The following GRIN2A variants were observed in gnomAD, a reference collection of about 807,000 sequenced individuals.
GRIN2A encodes the protein glutamate ionotropic receptor NMDA type subunit 2A, also known as glutamate receptor ionotropic, NMDA 2A.
Under a neutral mutation model 113.4 loss-of-function variants are expected in GRIN2A, and 22 were observed. The ratio of observed to expected loss-of-function variants is 0.19; its 90% CI spans 0.14 to 0.28. The LOEUF (loss-of-function observed/expected upper bound fraction) is 0.28. Ranked by LOEUF, GRIN2A falls within the 10% of genes least tolerant of loss-of-function variation. The pLI is 1.00. For missense variants in GRIN2A, 1,502 were observed against 1,887.0 expected, an observed-to-expected ratio of 0.80 and a Z score of 3.78; for synonymous variants, 827 against 738.4, an observed-to-expected ratio of 1.12 and a Z score of -1.94.
In GRIN2A at chr16:9,856,314, TACA is replaced by T. The variant is rs528445344; in HGVS notation, c.1123-6356_1123-6354del. Among the ~76,000 whole-genome samples the T allele has an allele frequency of 7.9e-5, 12 of 152,294 alleles. No homozygotes were observed. The South Asian group carries it at 1.9e-3, about 24-fold the overall frequency. On this transcript the variant is annotated intron_variant, in intron 4 of 12. Coordinates refer to ENST00000330684, the MANE Select transcript of GRIN2A (RefSeq NM_001134407.3). ...TTTAGTTTCTTCATATTTTAAAGGT[TACA>T]ACAAGGCCACAGAGTTGTTATAAAG...
chr16:9,905,796 T>C (rs1220424702), intron 3 of GRIN2A, among the ~76,000 whole-genome samples: 1 of 152,222 alleles, frequency 6.6e-6, no homozygotes, highest in East Asian at 1.9e-4. Flanking sequence ...AATTAGATTC[T>C]GTCTCCTAGG....
intron 2 of GRIN2A, among the ~76,000 whole-genome samples, chr16:10,070,697 C>G (rs2047732660): frequency 6.6e-6 from 1 of 152,182 alleles, no homozygotes; most frequent in Non-Finnish European, 1.5e-5. Flanking sequence ...CTTCTTCCCC[C>G]TCTACTCCTG....
chr16:9,940,142 CA>C (rs1166391131), intron 2 of GRIN2A, among the ~76,000 whole-genome samples: 5 of 151,678 alleles, frequency 3.3e-5, no homozygotes, highest in African/African-American at 1.2e-4. Flanking sequence ...CTGTGCATGT[CA>C]ATTCCTTCAA....
intron 10 of GRIN2A, among the ~76,000 whole-genome samples, chr16:9,810,787 G>A (rs895881588): frequency 6.6e-6 from 1 of 152,170 alleles, no homozygotes; most frequent in African/African-American, 2.4e-5. Flanking sequence ...ATTGGTTATG[G>A]CCACTCTAGG....
intron 2 of GRIN2A, among the ~76,000 whole-genome samples, chr16:10,105,719 C>T (rs1023910649): frequency 3.3e-5 from 5 of 152,012 alleles, no homozygotes; most frequent in African/African-American, 1.2e-4. Context: ...TCAGCCTGGC[C>T]AACACGGTGA....
chr16:10,024,951 G>C (rs2046792546), intron 2 of GRIN2A, among the ~76,000 whole-genome samples: 1 of 151,898 alleles, frequency 6.6e-6, no homozygotes, highest in South Asian at 2.1e-4. Context: ...AAATTTAAAT[G>C]AATTTTTTAA....
chr16:9,818,030 T>G (rs529206340), intron 10 of GRIN2A, among the ~76,000 whole-genome samples: 46 of 152,250 alleles, frequency 3.0e-4, no homozygotes, highest in Non-Finnish European at 5.9e-4. Flanking sequence ...ACTTTTTTTT[T>G]TTAAGGCTCG....
intron 3 of GRIN2A, among the ~76,000 whole-genome samples, chr16:9,925,214 G>C (rs1234579980): frequency 6.6e-6 from 1 of 152,172 alleles, no homozygotes; most frequent in Admixed American, 6.5e-5. Context: ...CAGAGTGAGA[G>C]CAATTCATAG....
intron 9 of GRIN2A, among the ~76,000 whole-genome samples, chr16:9,823,797 G>A (rs145602153): frequency 1.3e-5 from 2 of 152,132 alleles, no homozygotes; most frequent in Admixed American, 6.5e-5. Context: ...ACCCGGATGC[G>A]TCTGACCACA....
At chr16:9,999,629 C>T (rs551973063) in intron 2 of GRIN2A, among the ~76,000 whole-genome samples, 2 of 152,070 alleles carry the variant, frequency 1.3e-5, no homozygotes, top group African/African-American at 2.4e-5. Context: ...TTAGGAGAAA[C>T]ACCTAATGTA....
chr16:9,914,029 A>T (rs2044194059), intron 3 of GRIN2A, among the ~76,000 whole-genome samples: 1 of 152,142 alleles, frequency 6.6e-6, no homozygotes, highest in African/African-American at 2.4e-5. Context: ...CTGAGTGTGA[A>T]AAACAATTTA....
intron 2 of GRIN2A, among the ~76,000 whole-genome samples, chr16:10,026,778 T>C (rs2046830817): frequency 6.6e-6 from 1 of 152,150 alleles, no homozygotes; most frequent in South Asian, 2.1e-4. Flanking sequence ...TCTGCTTTTC[T>C]CTCACTTCCT....
At chr16:9,866,753 T>G (rs1028586357) in intron 4 of GRIN2A, among the ~76,000 whole-genome samples, 1 of 152,220 alleles carries the variant, frequency 6.6e-6, no homozygotes, top group African/African-American at 2.4e-5. Context: ...AAGGCCAGTT[T>G]TTTTGACCAT....
intron 3 of GRIN2A, among the ~76,000 whole-genome samples, chr16:9,891,938 C>T (rs752612548): frequency 6.6e-5 from 10 of 151,904 alleles, no homozygotes; most frequent in South Asian, 4.1e-4. Flanking sequence ...GTCTTAAAAC[C>T]GTGGGAAGGT....
chr16:9,978,141 C>T (rs1011938635), intron 2 of GRIN2A, among the ~76,000 whole-genome samples: 3 of 152,118 alleles, frequency 2.0e-5, no homozygotes, highest in East Asian at 3.9e-4. Flanking sequence ...TACAGCATAA[C>T]GAAAGCACCA....
chr16:10,107,123 G>C (rs140497910), intron 2 of GRIN2A, among the ~76,000 whole-genome samples: 3 of 152,318 alleles, frequency 2.0e-5, no homozygotes, highest in Non-Finnish European at 4.4e-5. Flanking sequence ...ATTTCCTGCT[G>C]ATTGAAGGAA....
chr16:10,147,679 G>A (rs1364583974), intron 2 of GRIN2A, among the ~76,000 whole-genome samples: 1 of 151,348 alleles, frequency 6.6e-6, no homozygotes, highest in African/African-American at 2.4e-5. Flanking sequence ...TGTATACAGG[G>A]TCCAACCATA....
chr16:10,024,946 T>C (rs1031267641), intron 2 of GRIN2A, among the ~76,000 whole-genome samples: 4 of 151,976 alleles, frequency 2.6e-5, no homozygotes, highest in Admixed American at 2.0e-4. Context: ...ATCCAAAATT[T>C]AAATGAATTT....
intron 2 of GRIN2A, among the ~76,000 whole-genome samples, chr16:9,956,379 G>C (rs1319594265): frequency 6.6e-6 from 1 of 152,102 alleles, no homozygotes; most frequent in Non-Finnish European, 1.5e-5. Flanking sequence ...CGTATGAGCC[G>C]TGTGTCTCAG....
Sources: gnomAD v4.1 joint callset for allele counts (sites outside exome capture counted in the v4.1 genomes callset) on GRCh38, gnomAD v4.1.1 for gene constraint, MANE v1.5 for transcripts, NCBI Gene and HGNC (gene_info 2026-07-23, HGNC 2026-07-21) for gene names.